PHACTR1: variants seen among roughly 807,000 people sequenced by gnomAD.
PHACTR1 encodes RPEL repeat containing 1.
Under a neutral mutation model 69.2 loss-of-function variants are expected in PHACTR1, and 16 were observed. The observed-to-expected ratio is 0.23, with a 90% CI of 0.16 to 0.35. The LOEUF is 0.35. Ranked by LOEUF, PHACTR1 falls within the 10% of genes least tolerant of loss-of-function variation. The pLI is 1.00. For missense variants in PHACTR1, 510 were observed against 734.7 expected (o/e 0.69, Z 3.54); for synonymous variants, 312 against 284.5 (o/e 1.10, Z -0.97).
At chr6:12,888,128 G>T (rs1783825741) in intron 4 of PHACTR1, among the ~76,000 whole-genome samples, 1 of 146,100 alleles carries the variant, frequency 6.8e-6, no homozygotes, top group African/African-American at 2.5e-5. Context: ...AAGTGATTAA[G>T]TCATGAGGGC....
chr6:12,730,986 TTTTA>T (rs10648753), intron 3 of PHACTR1, among the ~76,000 whole-genome samples: 14,113 of 137,894 alleles, frequency 0.1, 804 homozygotes, highest in Admixed American at 0.14. Context: ...ATATTACCTT[TTTTA>T]TTTATTTATT....
At chr6:13,231,115 A>G (rs1228138791) in intron 10 of PHACTR1, among the ~76,000 whole-genome samples, 1 of 69,166 alleles carries the variant, frequency 1.4e-5, no homozygotes. Context: ...GAAAGAAGGA[A>G]AGAGAGAAAG....
At chr6:13,048,654 C>A (rs1232399496) in intron 4 of PHACTR1, among the ~76,000 whole-genome samples, 1 of 152,068 alleles carries the variant, frequency 6.6e-6, no homozygotes, top group African/African-American at 2.4e-5. Context: ...CCTGCCTCAG[C>A]CTCAGTAGCT....
chr6:13,028,315 G>C (rs943590196), intron 4 of PHACTR1, among the ~76,000 whole-genome samples: 4 of 152,200 alleles, frequency 2.6e-5, no homozygotes, highest in Non-Finnish European at 4.4e-5. Context: ...TTTTCTACCA[G>C]AAGCTATTAG....
intron 5 of PHACTR1, among the ~76,000 whole-genome samples, chr6:13,079,446 C>G (rs558208410): frequency 1.2e-3 from 188 of 152,206 alleles, no homozygotes; most frequent in Non-Finnish European, 2.1e-3. Flanking sequence ...TTTCCCTTCC[C>G]TTCCAGTTTT....
At chr6:12,824,325 A>G (rs1177244794) in intron 4 of PHACTR1, among the ~76,000 whole-genome samples, 1 of 152,208 alleles carries the variant, frequency 6.6e-6, no homozygotes, top group Non-Finnish European at 1.5e-5. Context: ...CTGTATAATT[A>G]TTTCATTATA....
At chr6:12,925,230 T>A (rs1159123623) in intron 4 of PHACTR1, among the ~76,000 whole-genome samples, 5 of 152,186 alleles carry the variant, frequency 3.3e-5, no homozygotes, top group Admixed American at 3.3e-4. Flanking sequence ...TGTTGAGGGC[T>A]CAACTGACTT....
intron 4 of PHACTR1, among the ~76,000 whole-genome samples, chr6:12,980,771 G>A (rs767061643): frequency 2.0e-5 from 3 of 152,170 alleles, no homozygotes; most frequent in Non-Finnish European, 4.4e-5. Context: ...AAGACAGCCC[G>A]GAAGAGATAT....
At chr6:12,834,265 A>G (rs1219954059) in intron 4 of PHACTR1, among the ~76,000 whole-genome samples, 1 of 152,166 alleles carries the variant, frequency 6.6e-6, no homozygotes, top group Non-Finnish European at 1.5e-5. Flanking sequence ...TAATAAAAAT[A>G]TGTTCCCTTT....
intron 4 of PHACTR1, among the ~76,000 whole-genome samples, chr6:12,882,781 G>A (rs1386620353): frequency 6.6e-6 from 1 of 152,158 alleles, no homozygotes; most frequent in Non-Finnish European, 1.5e-5. Context: ...CTCCTTGTGA[G>A]GTAGTTGTGT....
chr6:13,019,432 A>G (rs1488635437), intron 4 of PHACTR1, among the ~76,000 whole-genome samples: 1 of 152,238 alleles, frequency 6.6e-6, no homozygotes, highest in African/African-American at 2.4e-5. Flanking sequence ...TCATAGCTCA[A>G]CAAAGGATGT....
chr6:13,280,901 C>T, intron 12 of PHACTR1: 1 of 1,247,610 alleles, frequency 8.0e-7, no homozygotes, highest in Non-Finnish European at 1.1e-6. Flanking sequence ...GTCTTCTGAG[C>T]CTTTCGTGGT....
At chr6:13,195,757 CAAAAAAA>C (rs869092852) in intron 7 of PHACTR1, among the ~76,000 whole-genome samples, 11,623 of 41,720 alleles carry the variant, frequency 0.28, 1,888 homozygotes, top group East Asian at 0.73. Context: ...GACACCGTCT[CAAAAAAA>C]AAAAAAAAAA....
chr6:13,159,315 C>T (rs1000740398), intron 5 of PHACTR1, among the ~76,000 whole-genome samples: 1 of 152,160 alleles, frequency 6.6e-6, no homozygotes, highest in Admixed American at 6.5e-5. Context: ...GCCACCCCTA[C>T]CTTTAGACAG....
intron 10 of PHACTR1, 188 bp from the exon 11 acceptor site, chr6:13,272,672 G>T (rs545449299): frequency 1.3e-6 from 2 of 1,497,298 alleles, no homozygotes; most frequent in Non-Finnish European, 1.8e-6. Context: ...CATGACGCAC[G>T]TGCCTCTCCT....
intron 4 of PHACTR1, among the ~76,000 whole-genome samples, chr6:12,908,950 T>C (rs147084292): frequency 1.3e-5 from 2 of 152,216 alleles, no homozygotes; most frequent in African/African-American, 4.8e-5. Flanking sequence ...TTTAGCAAAA[T>C]GCATCAGGTG....
intron 4 of PHACTR1, among the ~76,000 whole-genome samples, chr6:12,813,043 G>A (rs1399686296): frequency 6.6e-6 from 1 of 152,128 alleles, no homozygotes; most frequent in Non-Finnish European, 1.5e-5. Flanking sequence ...TGGTTGTGAA[G>A]CTTTGTCAAC....
At chr6:13,191,379 C>T (rs1211606847) in intron 7 of PHACTR1, among the ~76,000 whole-genome samples, 4 of 152,096 alleles carry the variant, frequency 2.6e-5, no homozygotes, top group East Asian at 3.8e-4. Flanking sequence ...ACAGGAGGCA[C>T]GGCTCACCAC....
intron 5 of PHACTR1, among the ~76,000 whole-genome samples, chr6:13,078,929 C>A (rs1355933956): frequency 6.6e-6 from 1 of 152,160 alleles, no homozygotes; most frequent in Admixed American, 6.5e-5. Flanking sequence ...TAGATCTGTG[C>A]CCATTTTGCT....
Sources: allele counts gnomAD v4.1 joint callset (sites outside exome capture counted in the v4.1 genomes callset), GRCh38; gene constraint gnomAD v4.1.1; transcripts MANE v1.5; gene names NCBI Gene and HGNC (gene_info 2026-07-23, HGNC 2026-07-21).